MTARC1: variants seen among roughly 807,000 people sequenced by gnomAD.
The protein encoded by MTARC1 is mitochondrial amidoxime-reducing component 1.
In MTARC1, 24 loss-of-function variants were observed where a neutral mutation model predicts 33.6. The observed-to-expected ratio is 0.72, with a 90% confidence interval of 0.52 to 1.01. MTARC1 has a LOEUF of 1.01. Ranked by LOEUF, MTARC1 falls within the 50% of genes least tolerant of loss-of-function variation. The pLI is 0.00. For synonymous variants in MTARC1, 187 were observed against 189.5 expected (o/e 0.99, Z 0.11); for missense variants, 417 against 445.7 (o/e 0.94, Z 0.58).
chr1:220,797,532 C>A (rs1017186254), intron 3 of MTARC1, among the ~76,000 whole-genome samples: 6 of 152,178 alleles, frequency 3.9e-5, no homozygotes, highest in African/African-American at 1.4e-4. Context: ...ACATTTAAAT[C>A]AAACATAATG....
intron 2 of MTARC1, among the ~76,000 whole-genome samples, chr1:220,795,708 C>A (rs1874122): frequency 0.02 from 3,017 of 152,178 alleles, 48 homozygotes; most frequent in East Asian, 0.06. Context: ...AGAAAGTAAC[C>A]AACACTCAAT....
At chr1:220,804,391 T>C (rs1672905141) in intron 4 of MTARC1, among the ~76,000 whole-genome samples, 1 of 152,216 alleles carries the variant, frequency 6.6e-6, no homozygotes, top group East Asian at 1.9e-4. Flanking sequence ...TATTTATCTT[T>C]AGAATTCCAT....
At position 220,791,515 on chromosome 1, in the gene MTARC1, G is replaced by A. The variant is rs1339060915; in HGVS notation, c.300G>A (p.Glu100=). ...RDRFWLVINQ[E]GNMVTARQEP... Reference sequence around the variant, plus strand: ...GGTTTTGGCTTGTGATCAACCAGGAGGGAAACATGGTTACTGCTCGCCAGG... The same window carrying A: ...GGTTTTGGCTTGTGATCAACCAGGAAGGAAACATGGTTACTGCTCGCCAGG... The change falls in exon 2 of 7, where the codon GAG becomes GAA. Residue 100 remains glutamate (E), a synonymous_variant. Transcript: ENST00000366910. 16 of 1,613,970 alleles carry A rather than the reference G, an allele frequency of 9.9e-6. No individual in the cohort carries two copies. Among genetic ancestry groups the A allele is most frequent in the African/African-American group, 1.3e-5 (1 of 74,892 alleles).
In MTARC1 at chr1:220,813,909, A is replaced by C. The variant is rs1346310393; in HGVS notation, c.*491A>C. 1 of 159,516 alleles carries C rather than the reference A, an allele frequency of 6.3e-6. No homozygotes were observed. The highest frequency in any genetic ancestry group is 2.4e-5 in the African/African-American group (1 of 41,540). The allele number at this position is 159,516 out of a possible 1,614,324, so 9.9% of individuals were successfully genotyped here. ...GGAATGCCACTTCCCTTTTCTTCTC[A>C]AGCCCCGGGCTAGCTTTTGAAATGG... On this transcript the variant is annotated 3_prime_UTR_variant, in exon 7 of 7. Transcript: ENST00000366910.
intron 4 of MTARC1, among the ~76,000 whole-genome samples, chr1:220,804,785 G>T (rs1267997777): frequency 7.5e-6 from 1 of 132,792 alleles, no homozygotes; most frequent in Non-Finnish European, 1.5e-5. Flanking sequence ...GAGCCTCCCT[G>T]AGCGAGGCGA....
rs559297015 is a variant in MTARC1 at position 220,817,248 on chromosome 1, G to C, written c.*3830G>C. The C allele has an allele frequency of 6.3e-6, 1 of 159,448 alleles. No homozygotes were observed. Among genetic ancestry groups the C allele is most frequent in the Admixed American group, 6.5e-5 (1 of 15,418 alleles). The allele number at this position is 159,448 out of a possible 1,614,324, so 9.9% of individuals were successfully genotyped here. A position where few individuals can be genotyped will look rare whatever the true frequency, so the allele number is the denominator to read the frequency against. Reference sequence around the variant, plus strand: ...CGAGTAGCTGGTGTGTCTGGAGTTGGTTCCTTCTGGTGGGTTCTTGGTCTC... The same window carrying C: ...CGAGTAGCTGGTGTGTCTGGAGTTGCTTCCTTCTGGTGGGTTCTTGGTCTC... On this transcript the variant is annotated 3_prime_UTR_variant, in exon 7 of 7. Transcript: ENST00000366910.
rs1223360027 is a variant in MTARC1 at position 220,816,529 on chromosome 1, TCTC to T, written c.*3112_*3114del. ...TTTGGAAAGTCCTGCGTGCCTCACT[TCTC>T]TTCAAAGGCAAAAGGCTCTGGAGAG... is the stretch of plus-strand genomic sequence containing the variant. On this transcript the variant is annotated 3_prime_UTR_variant, in exon 7 of 7. Coordinates refer to ENST00000366910, the MANE Select transcript of MTARC1 (RefSeq NM_022746.4). 1 of 152,176 alleles carries T rather than the reference TCTC, an allele frequency of 6.6e-6. No homozygotes were observed. The highest frequency in any genetic ancestry group is 1.5e-5 in the Non-Finnish European group (1 of 68,038). The allele number at this position is 152,176 out of a possible 1,614,324, so 9.4% of individuals were successfully genotyped here.
In MTARC1 at chr1:220,819,439, A is replaced by G. The variant is rs553285350; in HGVS notation, c.*6021A>G. ...TTTGTGGGGCTAAGAGATCTTGTAT[A>G]TATGCTATCAAAAGGCTGAGAAAAT... On this transcript the variant is annotated 3_prime_UTR_variant, in exon 7 of 7. Transcript: ENST00000366910. 10 of 152,310 alleles carry G rather than the reference A, an allele frequency of 6.6e-5. No individual in the cohort carries two copies. The highest frequency in any genetic ancestry group is 2.4e-4 in the African/African-American group (10 of 41,568). The allele number at this position is 152,310 out of a possible 1,614,324, so 9.4% of individuals were successfully genotyped here. A position where few individuals can be genotyped will look rare whatever the true frequency, so the allele number is the denominator to read the frequency against.
chr1:220,813,234 C>A, intron 6 of MTARC1, 58 bp from the exon 7 acceptor site: 1 of 1,611,670 alleles, frequency 6.2e-7, no homozygotes, highest in Middle Eastern at 1.7e-4. Context: ...AAGCCACGTG[C>A]TGGTTGAGCT....
Position 220,813,337 on chromosome 1 carries a change from A to G in MTARC1, c.933A>G (p.Ser311=), listed in dbSNP as rs768282346. 5.6e-6 allele frequency: 9 copies of G among 1,613,942 alleles called. No individual in the cohort carries two copies. The part of the protein sequence containing the change: ...DPSERKLYGK[S]PLFGQYFVLE... ...CAGAACGAAAGTTATATGGAAAATCACCACTCTTTGGGCAGTATTTTGTGC... is the reference window on the plus strand; with the variant it reads ...CAGAACGAAAGTTATATGGAAAATCGCCACTCTTTGGGCAGTATTTTGTGC... Residue 311 remains serine (S), a synonymous_variant, in exon 7 of 7, where the codon TCA becomes TCG. Coordinates refer to ENST00000366910, the MANE Select transcript of MTARC1 (RefSeq NM_022746.4).
At chr1:220,813,149 G>T in intron 6 of MTARC1, 143 bp from the exon 7 acceptor site, 1 of 1,064,356 alleles carries the variant, frequency 9.4e-7, no homozygotes, top group Non-Finnish European at 1.4e-6. Flanking sequence ...CCCACTCCAG[G>T]AGGCGCTGTT....
chr1:220,808,747 A>G, intron 6 of MTARC1: 2 of 454,280 alleles, frequency 4.4e-6, no homozygotes, highest in Non-Finnish European at 9.1e-6. Flanking sequence ...GAAAAGAAAT[A>G]CAGAGGCATA....
At position 220,817,525 on chromosome 1, in the gene MTARC1, T is replaced by C. The variant is rs1571688151; in HGVS notation, c.*4107T>C. 2.1e-5 allele frequency: 2 copies of C among 93,930 alleles called. No individual in the cohort carries two copies. Among genetic ancestry groups the C allele is most frequent in the East Asian group, 7.1e-4 (2 of 2,804 alleles). 5.8% of individuals were successfully genotyped at this position (93,930 alleles called of 1,614,324 possible). On this transcript the variant is annotated 3_prime_UTR_variant, in exon 7 of 7. Transcript: ENST00000366910. ...ATTGGTCCATTTTACAGAGTGCTGA[T>C]TGGTGCATTTACAATCCTTTAGCTA...
intron 2 of MTARC1, chr1:220,793,735 A>G (rs1672510068): frequency 6.6e-6 from 1 of 152,232 alleles, no homozygotes; most frequent in Non-Finnish European, 1.5e-5. Flanking sequence ...AACAGCCTCA[A>G]ACCTCAAACC....
chr1:220,796,471 T>C (rs751587671), intron 2 of MTARC1, among the ~76,000 whole-genome samples, 172 bp from the exon 3 acceptor site: 1 of 152,220 alleles, frequency 6.6e-6, no homozygotes, highest in Non-Finnish European at 1.5e-5. Flanking sequence ...TCATTTTCAT[T>C]TGGCCTTACA....
At chr1:220,789,117 AGG>A (rs1672341211) in intron 1 of MTARC1, among the ~76,000 whole-genome samples, 3 of 152,100 alleles carry the variant, frequency 2.0e-5, no homozygotes, top group African/African-American at 7.2e-5. Flanking sequence ...GACACGTGCC[AGG>A]GTGCCAGCAT....
At chr1:220,790,787 T>C (rs1672396345) in intron 1 of MTARC1, among the ~76,000 whole-genome samples, 1 of 152,228 alleles carries the variant, frequency 6.6e-6, no homozygotes, top group Non-Finnish European at 1.5e-5. Flanking sequence ...AGAGATAACC[T>C]GCAAAAACAT....
intron 6 of MTARC1, among the ~76,000 whole-genome samples, chr1:220,810,273 G>GC (rs1158413275): frequency 6.6e-6 from 1 of 152,114 alleles, no homozygotes; most frequent in East Asian, 1.9e-4. Flanking sequence ...CTTAGTGTGC[G>GC]CACGAATTCA....
In MTARC1 at chr1:220,814,753, A is replaced by AG. The variant is rs1334213249; in HGVS notation, c.*1337dup. On this transcript the variant is annotated 3_prime_UTR_variant, in exon 7 of 7. Coordinates refer to ENST00000366910, the MANE Select transcript of MTARC1 (RefSeq NM_022746.4). The stretch of plus-strand genomic sequence containing the variant: ...GAGACCCTATCTCTAAAAAAGAAAC[A>AG]GGAAAAAAAAAGAAAGCTGACTGAG... 1 of 152,320 alleles carries AG rather than the reference A, an allele frequency of 6.6e-6. No individual in the cohort carries two copies. The highest frequency in any genetic ancestry group is 1.9e-4 in the East Asian group (1 of 5,176). The allele number at this position is 152,320 out of a possible 1,614,324, so 9.4% of individuals were successfully genotyped here. A position where few individuals can be genotyped will look rare whatever the true frequency, so the allele number is the denominator to read the frequency against.
Sources: allele counts gnomAD v4.1 joint callset (sites outside exome capture counted in the v4.1 genomes callset), GRCh38; gene constraint gnomAD v4.1.1; transcripts MANE v1.5; gene names NCBI Gene and HGNC (gene_info 2026-07-23, HGNC 2026-07-21).